The following TTC17 variants were observed in gnomAD, a reference collection of about 807,000 sequenced individuals.
TTC17 encodes the protein tetratricopeptide repeat protein 17.
In TTC17, 58 loss-of-function variants were observed where a neutral mutation model predicts 143.8. The ratio of observed to expected loss-of-function variants is 0.40; its 90% CI spans 0.33 to 0.50. TTC17 has a LOEUF of 0.50. TTC17 is among the 20% of genes least tolerant of loss of function. TTC17 has a pLI of 0.49. For missense variants in TTC17, 1,273 were observed against 1,392.5 expected (o/e 0.91, Z 1.37); for synonymous variants, 501 against 497.8 (o/e 1.01, Z -0.09).
chr11:43,424,179 G>A (rs1364072777), intron 16 of TTC17, among the ~76,000 whole-genome samples: 5 of 149,166 alleles, frequency 3.4e-5, no homozygotes, highest in East Asian at 2.0e-4. Context: ...TGCCATCTCC[G>A]CCTCCCTGGT....
At chr11:43,386,974 G>A (rs1255297339) in intron 2 of TTC17, among the ~76,000 whole-genome samples, 2 of 152,056 alleles carry the variant, frequency 1.3e-5, no homozygotes, top group African/African-American at 4.8e-5. Flanking sequence ...TCATGGGGAT[G>A]GGGTCTCGCA....
intron 16 of TTC17, among the ~76,000 whole-genome samples, chr11:43,437,512 T>C (rs562206523): frequency 3.9e-5 from 6 of 152,138 alleles, no homozygotes; most frequent in Non-Finnish European, 7.4e-5. Flanking sequence ...GTCCAAAGAG[T>C]TGTTTCTAAA....
At chr11:43,374,120 G>A (rs1203739311) in intron 1 of TTC17, among the ~76,000 whole-genome samples, 1 of 152,106 alleles carries the variant, frequency 6.6e-6, no homozygotes, top group Non-Finnish European at 1.5e-5. Context: ...ATACCTGAAA[G>A]CAAGTTACAT....
rs1278362200 is a variant in TTC17, at chr11:43,494,210, A to G, written c.*306A>G. ...GCTGTGCTCTGTCTCCAAAAACCTC[A>G]ATGCCTTTAGGGCTTTTCTCAGTGG... On this transcript the variant is annotated 3_prime_UTR_variant, in exon 24 of 24. Transcript: ENST00000039989. 7 of 210,468 alleles carry G rather than the reference A, an allele frequency of 3.3e-5. No individual in the cohort carries two copies. The highest frequency in any genetic ancestry group is 6.7e-5 in the Non-Finnish European group (7 of 105,040). 13.0% of individuals were successfully genotyped at this position (210,468 alleles called of 1,614,324 possible). A position where few individuals can be genotyped will look rare whatever the true frequency, so the allele number is the denominator to read the frequency against.
intron 10 of TTC17, among the ~76,000 whole-genome samples, chr11:43,403,238 G>A (rs1857952818): frequency 6.6e-6 from 1 of 152,134 alleles, no homozygotes; most frequent in Non-Finnish European, 1.5e-5. Flanking sequence ...TTGAAGGAGT[G>A]TAGCTTCCAA....
At chr11:43,377,336 A>G (rs964173923) in intron 1 of TTC17, among the ~76,000 whole-genome samples, 1 of 152,158 alleles carries the variant, frequency 6.6e-6, no homozygotes, top group Non-Finnish European at 1.5e-5. Context: ...GCACCATCAC[A>G]TATGCAGTCT....
chr11:43,479,749 A>T (rs1429144873), intron 21 of TTC17, among the ~76,000 whole-genome samples: 1 of 152,222 alleles, frequency 6.6e-6, no homozygotes, highest in Non-Finnish European at 1.5e-5. Context: ...GGAAACAAGG[A>T]AGTAAACTAA....
chr11:43,421,191 G>A (rs564428812), intron 16 of TTC17, among the ~76,000 whole-genome samples: 4 of 152,146 alleles, frequency 2.6e-5, no homozygotes, highest in African/African-American at 9.7e-5. Context: ...CTGAGAAAGT[G>A]ACATTTGAAC....
At position 43,404,067 on chromosome 11, in the gene TTC17, A is replaced by G. The variant is rs1364460559; in HGVS notation, c.1402A>G (p.Ile468Val). Residue 468 changes from isoleucine to valine, a missense_variant, in exon 11 of 24, where the codon ATC (isoleucine) becomes GTC (valine). This residue lies in a region of TTC17 where 878 missense variants were observed against 899.8 expected (regional missense o/e 0.98). Transcript: ENST00000039989. ...TGATGTTCAATCAAATCAGAGTGATATCAATGATTCGGTCAAGTCTTCTCC... is the reference window on the plus strand; with the variant it reads ...TGATGTTCAATCAAATCAGAGTGATGTCAATGATTCGGTCAAGTCTTCTCC... ...NFDVQSNQSD[I>V]NDSVKSSPVA... 1.2e-6 allele frequency: 2 copies of G among 1,613,328 alleles called. No homozygotes were observed. The highest frequency in any genetic ancestry group is 1.7e-6 in the Non-Finnish European group (2 of 1,179,538).
chr11:43,375,911 A>G (rs1856748364), intron 1 of TTC17, among the ~76,000 whole-genome samples: 1 of 152,210 alleles, frequency 6.6e-6, no homozygotes, highest in Non-Finnish European at 1.5e-5. Context: ...ATGTGAACTT[A>G]CTGAATTTGT....
rs1947630731 is a variant in TTC17 at position 43,450,205 on chromosome 11, C to T, written c.2910C>T (p.Ala970=). Residue 970 remains alanine, a synonymous_variant, in exon 20 of 24, where the codon GCC becomes GCT. Coordinates refer to ENST00000039989, the MANE Select transcript of TTC17 (RefSeq NM_018259.6). ...LDHLHGVSNR[A]SLHYTGESQL... The stretch of plus-strand genomic sequence containing the variant: ...ACTTGCATGGGGTTTCCAACCGAGC[C>T]AGCCTGCACTACACAGGGGAGAGTC... 4 of 1,614,140 alleles carry T rather than the reference C, an allele frequency of 2.5e-6. No homozygotes were observed. The highest frequency in any genetic ancestry group is 3.4e-6 in the Non-Finnish European group (4 of 1,180,020).
rs1365621029 is a variant in TTC17 at position 43,407,193 on chromosome 11, T to G, written c.1817T>G (p.Phe606Cys). ...YTIPEEEIGS[F>C]LFHAINKPNA... is the part of the protein sequence containing the mutation. Reference sequence around the variant, plus strand: ...ATCCCAGAAGAAGAAATTGGGTCTTTCTTATTTCATGCTATTAATAAGGTG... The same window carrying G: ...ATCCCAGAAGAAGAAATTGGGTCTTGCTTATTTCATGCTATTAATAAGGTG... Residue 606 changes from phenylalanine to cysteine, a missense_variant, in exon 14 of 24, where the codon TTC becomes TGC. Phe to Cys is a radical substitution (Grantham distance 205). This residue lies in a region of TTC17 where 878 missense variants were observed against 899.8 expected (regional missense o/e 0.98). Coordinates refer to ENST00000039989, the MANE Select transcript of TTC17 (RefSeq NM_018259.6). 6.3e-6 allele frequency: 10 copies of G among 1,599,046 alleles called. No individual in the cohort carries two copies. Among genetic ancestry groups the G allele is most frequent in the South Asian group, 1.1e-5 (1 of 88,666 alleles).
At chr11:43,480,793 G>A (rs921989307) in intron 21 of TTC17, among the ~76,000 whole-genome samples, 1 of 149,994 alleles carries the variant, frequency 6.7e-6, no homozygotes, top group Non-Finnish European at 1.5e-5. Context: ...AAATTTAAGG[G>A]TATCATTAAA....
chr11:43,489,001 T>C (rs1948426258), intron 21 of TTC17, among the ~76,000 whole-genome samples: 1 of 152,134 alleles, frequency 6.6e-6, no homozygotes, highest in Admixed American at 6.5e-5. Context: ...TTTATATCCT[T>C]GGAATGAGGT....
intron 16 of TTC17, among the ~76,000 whole-genome samples, chr11:43,434,168 G>GACACACACACACACAC (rs55913890): frequency 8.0e-6 from 1 of 125,486 alleles, no homozygotes; most frequent in African/African-American, 3.1e-5. Context: ...CATGGGCGGG[G>GACACACACACACACAC]ACACACACAC....
At chr11:43,465,768 A>G (rs1947959496) in intron 21 of TTC17, among the ~76,000 whole-genome samples, 1 of 152,228 alleles carries the variant, frequency 6.6e-6, no homozygotes, top group Admixed American at 6.5e-5. Flanking sequence ...CTTACCTTAT[A>G]TCATAGGCAA....
chr11:43,359,122 C>A lies in TTC17; in HGVS notation c.159+9C>A. On this transcript the variant is annotated intron_variant, in intron 1 of 23. Coordinates refer to ENST00000039989, the MANE Select transcript of TTC17 (RefSeq NM_018259.6). ...GGAAAATCCAGCAGCAGGTAGCGGC[C>A]GGGGCGTCCCTCTTCTCCCGTGCCC... 6.3e-7 allele frequency: 1 copy of A among 1,576,372 alleles called. No individual in the cohort carries two copies. Among genetic ancestry groups the A allele is most frequent in the Non-Finnish European group, 8.6e-7 (1 of 1,163,614 alleles).
At chr11:43,424,796 T>G (rs1390874987) in intron 16 of TTC17, among the ~76,000 whole-genome samples, 1 of 152,126 alleles carries the variant, frequency 6.6e-6, no homozygotes. Flanking sequence ...TAATTGTGTA[T>G]TTTTAATAAA....
chr11:43,402,450 A>G (rs1782145618), intron 10 of TTC17, among the ~76,000 whole-genome samples: 1 of 152,282 alleles, frequency 6.6e-6, no homozygotes, highest in East Asian at 1.9e-4. Flanking sequence ...ACACACACAC[A>G]TACACATATA....
Sources: gnomAD v4.1 joint callset for allele counts (sites outside exome capture counted in the v4.1 genomes callset) on GRCh38, gnomAD v4.1.1 for gene constraint, gnomAD v4.1.1 regional missense constraint, MANE v1.5 for transcripts, NCBI Gene and HGNC (gene_info 2026-07-23, HGNC 2026-07-21) for gene names.